The following SNTG1 variants were observed in gnomAD, a reference collection of about 807,000 sequenced individuals.
SNTG1 encodes gamma-1-syntrophin.
In SNTG1, 39 loss-of-function variants were observed where a neutral mutation model predicts 74.7. The observed-to-expected ratio is 0.52, with a 90% CI of 0.40 to 0.68. The LOEUF (loss-of-function observed/expected upper bound fraction) is 0.68. Among genes scored for constraint, SNTG1 ranks in the 30% least tolerant of loss-of-function variants. SNTG1 has a pLI of 0.00. For synonymous variants in SNTG1, 254 were observed against 217.1 expected, an observed-to-expected ratio of 1.17 and a Z score of -1.49; for missense variants, 685 against 609.5, an observed-to-expected ratio of 1.12 and a Z score of -1.30.
intron 18 of SNTG1, among the ~76,000 whole-genome samples, chr8:50,763,671 T>TGTGG (rs2095605534): frequency 6.7e-6 from 1 of 148,880 alleles, no homozygotes; most frequent in Admixed American, 6.7e-5. Flanking sequence ...TGTGTGTGTG[T>TGTGG]GTGTGTGTGT....
At chr8:50,469,422 T>C (rs545450605) in intron 8 of SNTG1, among the ~76,000 whole-genome samples, 1 of 152,156 alleles carries the variant, frequency 6.6e-6, no homozygotes, top group Admixed American at 6.6e-5. Context: ...GCAGTCAGGT[T>C]CTGCCAGCAT....
intron 13 of SNTG1, among the ~76,000 whole-genome samples, chr8:50,598,810 T>G (rs12547661): frequency 0.61 from 91,832 of 151,760 alleles, 30,483 homozygotes; most frequent in East Asian, 0.78. Context: ...CTAAGTTTAT[T>G]CTTAAGTATT....
chr8:50,695,114 G>A (rs2095399163), intron 15 of SNTG1, among the ~76,000 whole-genome samples: 1 of 151,536 alleles, frequency 6.6e-6, no homozygotes, highest in Admixed American at 6.6e-5. Context: ...GAAATAAATG[G>A]CATAAAGACT....
At chr8:50,163,287 T>A (rs898744999) in intron 1 of SNTG1, among the ~76,000 whole-genome samples, 2 of 152,222 alleles carry the variant, frequency 1.3e-5, no homozygotes, top group Non-Finnish European at 2.9e-5. Flanking sequence ...TTGAAAACTG[T>A]CTTCTCAACC....
At chr8:50,335,092 C>T (rs2091097076) in intron 2 of SNTG1, among the ~76,000 whole-genome samples, 1 of 152,200 alleles carries the variant, frequency 6.6e-6, no homozygotes, top group Admixed American at 6.5e-5. Context: ...ATTAAGTGTT[C>T]AAACAATGTT....
chr8:50,016,930 A>G (rs10957741), intron 1 of SNTG1, among the ~76,000 whole-genome samples: 97,641 of 151,982 alleles, frequency 0.64, 35,466 homozygotes, highest in East Asian at 0.84. Flanking sequence ...GAAGCTGGAA[A>G]GCAGTGAGAT....
At chr8:50,414,754 C>T (rs2392626) in intron 4 of SNTG1, among the ~76,000 whole-genome samples, 7,155 of 151,628 alleles carry the variant, frequency 0.047, 218 homozygotes, top group Middle Eastern at 0.095. Flanking sequence ...CATGTGTGTG[C>T]GTGTGTGGGT....
chr8:50,033,693 G>A (rs143100199), intron 1 of SNTG1, among the ~76,000 whole-genome samples: 88 of 152,082 alleles, frequency 5.8e-4, no homozygotes, highest in Middle Eastern at 3.4e-3. Flanking sequence ...ATCTCTGTGT[G>A]TCCTAGTGTC....
chr8:50,356,398 A>G (rs909049745), intron 2 of SNTG1, among the ~76,000 whole-genome samples: 3 of 152,192 alleles, frequency 2.0e-5, no homozygotes, highest in Non-Finnish European at 2.9e-5. Context: ...GCAAGGTTCA[A>G]TGTTGCCATA....
chr8:50,231,563 T>C (rs1469884638), intron 2 of SNTG1, among the ~76,000 whole-genome samples: 1 of 151,324 alleles, frequency 6.6e-6, no homozygotes, highest in Admixed American at 6.6e-5. Context: ...AAAAATGAAG[T>C]TCTGTTGTTT....
chr8:50,381,606 A>ATC (rs2092482126), intron 2 of SNTG1, among the ~76,000 whole-genome samples: 1 of 138,714 alleles, frequency 7.2e-6, no homozygotes, highest in Non-Finnish European at 1.5e-5. Context: ...ATATATATAT[A>ATC]TCTCCTATTA....
intron 12 of SNTG1, among the ~76,000 whole-genome samples, chr8:50,562,308 T>C (rs1478667426): frequency 2.6e-5 from 4 of 152,176 alleles, no homozygotes; most frequent in Admixed American, 2.6e-4. Context: ...GGCCTTAAAA[T>C]GGGGAAATTA....
chr8:50,266,674 G>GTATATATA (rs1390382487), intron 2 of SNTG1, among the ~76,000 whole-genome samples: 1 of 138,034 alleles, frequency 7.2e-6, no homozygotes, highest in African/African-American at 2.8e-5. Context: ...GTGTGTGTGT[G>GTATATATA]TGTGTGTGTG....
intron 2 of SNTG1, among the ~76,000 whole-genome samples, chr8:50,225,830 G>A (rs887656914): frequency 1.3e-5 from 2 of 152,146 alleles, no homozygotes; most frequent in African/African-American, 4.8e-5. Context: ...AATCAGTAGA[G>A]CCAAATATCC....
intron 17 of SNTG1, among the ~76,000 whole-genome samples, chr8:50,740,571 G>A (rs907094764): frequency 6.6e-6 from 1 of 152,038 alleles, no homozygotes; most frequent in Non-Finnish European, 1.5e-5. Context: ...CATTGTGGAA[G>A]ACAGTATGGT....
chr8:50,544,757 C>A (rs2094374141), intron 11 of SNTG1, among the ~76,000 whole-genome samples: 1 of 152,042 alleles, frequency 6.6e-6, no homozygotes, highest in African/African-American at 2.4e-5. Flanking sequence ...CATTCAAGAG[C>A]TAATTTATTG....
chr8:50,376,752 T>TAGAGAGAGAGAGAGAG (rs1209571081), intron 2 of SNTG1, among the ~76,000 whole-genome samples: 37 of 100,798 alleles, frequency 3.7e-4, no homozygotes, highest in Non-Finnish European at 6.4e-4. Context: ...TATATATATA[T>TAGAGAGAGAGAGAGAG]ATATAGAGAG....
chr8:50,346,078 A>T (rs1033869027), intron 2 of SNTG1, among the ~76,000 whole-genome samples: 1 of 152,324 alleles, frequency 6.6e-6, no homozygotes, highest in Admixed American at 6.5e-5. Context: ...GCAAAATGGT[A>T]TTCCAACTGC....
In SNTG1 at chr8:50,758,093, T is replaced by C. The variant is rs373801673; in HGVS notation, c.1395+5982T>C. 2.6e-5 allele frequency among the ~76,000 whole-genome samples: 4 copies of C among 152,048 alleles called. 1 individual carries two copies. The highest frequency in any genetic ancestry group is 9.6e-5 in the African/African-American group (4 of 41,550). On this transcript the variant is annotated intron_variant, in intron 18 of 18. Transcript: ENST00000642720. ...TATATGTTAGATAAATAACATTTCA[T>C]TTGTTTCTCTTTTTTAGAATTTGCA...
Sources: allele counts gnomAD v4.1 joint callset (sites outside exome capture counted in the v4.1 genomes callset), GRCh38; gene constraint gnomAD v4.1.1; transcripts MANE v1.5; gene names NCBI Gene and HGNC (gene_info 2026-07-23, HGNC 2026-07-21).